The following AKR1E2 variants were observed in gnomAD, a reference collection of about 807,000 sequenced individuals.
AKR1E2 encodes aldo-keto reductase family 1 member E2.
A neutral mutation model predicts 41.9 loss-of-function variants in AKR1E2; 43 were observed. That is an observed-to-expected ratio of 1.03 (90% CI 0.80 to 1.32). The LOEUF is 1.32. Ranked by LOEUF, AKR1E2 falls within the 40% of genes most tolerant of loss-of-function variation. The probability of loss-of-function intolerance (pLI) is 0.00; values close to 1 mark genes in which losing one functional copy is unlikely to be tolerated. For missense variants in AKR1E2, 423 were observed against 396.5 expected (o/e 1.07, Z -0.57); for synonymous variants, 121 against 138.9 (o/e 0.87, Z 0.91).
At chr10:4,841,571 C>T (rs558276561) in intron 6 of AKR1E2, among the ~76,000 whole-genome samples, 260 of 152,220 alleles carry the variant, frequency 1.7e-3, no homozygotes, top group African/African-American at 5.9e-3. Context: ...AAAGTGATGT[C>T]GTGTAGCCTT....
intron 2 of AKR1E2, among the ~76,000 whole-genome samples, chr10:4,831,576 G>C (rs1832973339): frequency 6.6e-6 from 1 of 152,154 alleles, no homozygotes; most frequent in Non-Finnish European, 1.5e-5. Context: ...GGAAAAACTT[G>C]CCCCCATGAT....
chr10:4,830,950 G>C, intron 2 of AKR1E2, 108 bp downstream of exon 2: 4 of 1,298,128 alleles, frequency 3.1e-6, no homozygotes, highest in Non-Finnish European at 4.3e-6. Context: ...ACTCAAATCG[G>C]AATAAACAAG....
upstream of AKR1E2, chr10:4,825,071 A>G (rs1412705400): frequency 2.2e-6 from 1 of 453,234 alleles, no homozygotes; most frequent in Admixed American, 2.4e-5. Flanking sequence ...CTGAATGAAT[A>G]AATGAGAGTA....
At chr10:4,852,615 C>T (rs961312937), downstream of AKR1E2, among the ~76,000 whole-genome samples, 2 of 152,114 alleles carry the variant, frequency 1.3e-5, no homozygotes, top group Non-Finnish European at 2.9e-5. Flanking sequence ...TGTGCCACCC[C>T]ACCTGGTGTC....
chr10:4,869,617 TG>T, the AKR1E2 span, among the ~76,000 whole-genome samples: 2 of 152,078 alleles, frequency 1.3e-5, no homozygotes, highest in African/African-American at 4.8e-5. Flanking sequence ...CTTAGATAGT[TG>T]ATTTAAGACT....
At chr10:4,842,637 G>A in intron 8 of AKR1E2, 133 bp downstream of exon 8, 1 of 734,378 alleles carries the variant, frequency 1.4e-6, no homozygotes, top group African/African-American at 1.8e-5. Context: ...CACTGTGGGT[G>A]TTGGTGGTTG....
intron 1 of AKR1E2, among the ~76,000 whole-genome samples, 175 bp downstream of exon 1, chr10:4,826,538 C>T (rs1398297268): frequency 3.9e-5 from 6 of 152,300 alleles, no homozygotes; most frequent in African/African-American, 1.4e-4. Context: ...AGCAGCCCGG[C>T]CCGGCCTTTC....
chr10:4,837,101 G>T (rs1322017931), intron 4 of AKR1E2, among the ~76,000 whole-genome samples: 2 of 152,200 alleles, frequency 1.3e-5, no homozygotes, highest in Non-Finnish European at 2.9e-5. Context: ...GACATCAGGA[G>T]GAATAGGAAC....
intron 8 of AKR1E2, chr10:4,845,671 C>T (rs1461088908): frequency 6.4e-6 from 3 of 466,120 alleles, no homozygotes; most frequent in African/African-American, 6.0e-5. Flanking sequence ...CCAGTTCTGC[C>T]CTTCTGCCGT....
chr10:4,853,833 T>C, the AKR1E2 span, among the ~76,000 whole-genome samples: 1 of 152,308 alleles, frequency 6.6e-6, no homozygotes, highest in East Asian at 1.9e-4. Flanking sequence ...AAGACCTTGC[T>C]GATAAAACAG....
the AKR1E2 span, among the ~76,000 whole-genome samples, chr10:4,859,374 C>G: frequency 1.3e-5 from 2 of 152,024 alleles, no homozygotes; most frequent in African/African-American, 4.8e-5. Context: ...TACCAGAGGC[C>G]AAGAGGCAGG....
At chr10:4,854,238 T>A in the AKR1E2 span, among the ~76,000 whole-genome samples, 1 of 151,934 alleles carries the variant, frequency 6.6e-6, no homozygotes, top group Non-Finnish European at 1.5e-5. Context: ...GGACTACAGG[T>A]GCATGCCACC....
At position 4,847,073 on chromosome 10, in the gene AKR1E2, G is replaced by A. The variant is rs12571543; in HGVS notation, c.838-75G>A. On this transcript the variant is annotated intron_variant, in intron 8 of 9. Transcript: ENST00000298375. ...GTGTCCCTTGCAGGTCTAGCACTGTGCTATGTAGGTAACATGTGCTCCATT... is the reference window on the plus strand; with the variant it reads ...GTGTCCCTTGCAGGTCTAGCACTGTACTATGTAGGTAACATGTGCTCCATT... 5.2e-3 allele frequency: 7,934 copies of A among 1,526,306 alleles called. 349 individuals carry two copies. The East Asian group carries it at 0.12, about 24-fold the overall frequency. The allele number at this position is 1,526,306 out of a possible 1,614,324, so 94.5% of individuals were successfully genotyped here.
At position 4,828,413 on chromosome 10, in the gene AKR1E2, A is replaced by G. The variant is rs560842208; in HGVS notation, c.39+2050A>G. ...TGTGTGCCTGATCGGTGCTGTCTTA[A>G]TTACTACAGTTCCTTGATAAGCGCC... On this transcript the variant is annotated intron_variant, in intron 1 of 9. Coordinates refer to ENST00000298375, the MANE Select transcript of AKR1E2 (RefSeq NM_001040177.3). Among the ~76,000 whole-genome samples the G allele has an allele frequency of 2.0e-5, 3 of 152,298 alleles. No individual in the cohort carries two copies. The East Asian group carries it at 5.8e-4, about 29-fold the overall frequency.
chr10:4,865,303 A>G, the AKR1E2 span, among the ~76,000 whole-genome samples: 1 of 152,348 alleles, frequency 6.6e-6, no homozygotes, highest in Non-Finnish European at 1.5e-5. Context: ...CTAGTAACTA[A>G]CAATTATTGA....
chr10:4,830,846 G>A lies in AKR1E2; in HGVS notation c.207+4G>A. On this transcript the variant is annotated splice_donor_region_variant and intron_variant, in intron 2 of 9. Transcript: ENST00000298375. Reference sequence around the variant, plus strand: ...GGATCTGTTCATTGCCACTAAGGTAGGGCTTCTCTATGCAAGGCTGGCAGA... The same window carrying A: ...GGATCTGTTCATTGCCACTAAGGTAAGGCTTCTCTATGCAAGGCTGGCAGA... 1.2e-6 allele frequency: 2 copies of A among 1,613,982 alleles called. No homozygotes were observed. Among genetic ancestry groups the A allele is most frequent in the Non-Finnish European group, 1.7e-6 (2 of 1,179,914 alleles).
At chr10:4,870,582 T>C in the AKR1E2 span, among the ~76,000 whole-genome samples, 2 of 152,088 alleles carry the variant, frequency 1.3e-5, no homozygotes, top group African/African-American at 4.8e-5. Flanking sequence ...TGAAAATTAT[T>C]TTCTTTCAGC....
rs556355456 is a variant in AKR1E2 at position 4,827,433 on chromosome 10, A to G, written c.39+1070A>G. Among the ~76,000 whole-genome samples the G allele has an allele frequency of 1.1e-3, 160 of 149,270 alleles. 3 individuals carry two copies. The highest frequency in any genetic ancestry group is 3.6e-3 in the African/African-American group (148 of 41,286). ...AAGCTGTGTCTCCTGTGTGTTTGAA[A>G]CTTTGTACCCTTTGATCAGCAACTC... On this transcript the variant is annotated intron_variant, in intron 1 of 9. Coordinates refer to ENST00000298375, the MANE Select transcript of AKR1E2 (RefSeq NM_001040177.3).
chr10:4,858,701 T>C, the AKR1E2 span, among the ~76,000 whole-genome samples: 763 of 152,146 alleles, frequency 5.0e-3, 9 homozygotes, highest in African/African-American at 0.018. Context: ...AGGCATGCAC[T>C]AGGGGAGTAG....
Sources: gnomAD v4.1 joint callset for allele counts (sites outside exome capture counted in the v4.1 genomes callset) on GRCh38, gnomAD v4.1.1 for gene constraint, MANE v1.5 for transcripts, NCBI Gene and HGNC (gene_info 2026-07-23, HGNC 2026-07-21) for gene names.